Variants in KCNMA1 observed in about 807,000 individuals in gnomAD.
KCNMA1 encodes the protein potassium calcium-activated channel subfamily M alpha 1.
In KCNMA1, 29 loss-of-function variants were observed where a neutral mutation model predicts 140.0. The observed-to-expected ratio is 0.21, with a 90% confidence interval of 0.15 to 0.28. The LOEUF (loss-of-function observed/expected upper bound fraction) is 0.28. Among genes scored for constraint, KCNMA1 ranks in the 10% least tolerant of loss-of-function variants. The probability of loss-of-function intolerance (pLI) is 1.00; values close to 1 mark genes in which losing one functional copy is unlikely to be tolerated. For synonymous variants in KCNMA1, 612 were observed against 611.9 expected (o/e 1.00, Z 0.00); for missense variants, 880 against 1,602.2 (o/e 0.55, Z 7.70).
At chr10:77,532,385 C>A (rs1201397907) in intron 1 of KCNMA1, among the ~76,000 whole-genome samples, 2 of 152,178 alleles carry the variant, frequency 1.3e-5, no homozygotes, top group Non-Finnish European at 2.9e-5. Context: ...TCTGACCAAG[C>A]CAGGAAGGGA....
chr10:77,542,051 T>C (rs954071855), intron 1 of KCNMA1, among the ~76,000 whole-genome samples: 1 of 152,170 alleles, frequency 6.6e-6, no homozygotes, highest in African/African-American at 2.4e-5. Context: ...TTTTAACCCT[T>C]ATAAGTGGGA....
intron 1 of KCNMA1, chr10:77,587,866 G>C: frequency 1.0e-6 from 1 of 985,274 alleles, no homozygotes; most frequent in Non-Finnish European, 1.2e-6. Context: ...AGATATATGT[G>C]CCACTCTGAA....
At chr10:77,356,398 GA>G (rs1317266338) in intron 2 of KCNMA1, among the ~76,000 whole-genome samples, 1 of 152,146 alleles carries the variant, frequency 6.6e-6, no homozygotes, top group African/African-American at 2.4e-5. Context: ...GCTCAATATT[GA>G]TAGCCAAAAA....
At chr10:77,506,536 T>G (rs1005690291) in intron 1 of KCNMA1, among the ~76,000 whole-genome samples, 5 of 143,878 alleles carry the variant, frequency 3.5e-5, no homozygotes, top group Non-Finnish European at 4.5e-5. Context: ...GAGACAGAGT[T>G]TTGAAACATG....
At chr10:77,368,243 T>C (rs532091020) in intron 2 of KCNMA1, among the ~76,000 whole-genome samples, 55 of 152,356 alleles carry the variant, frequency 3.6e-4, no homozygotes, top group Admixed American at 1.3e-3. Context: ...TTATAATAGG[T>C]GTGTTCACAT....
intron 24 of KCNMA1, 22 bp from the exon 25 acceptor site, chr10:76,910,118 A>T (rs1359732558): frequency 6.2e-7 from 1 of 1,613,164 alleles, no homozygotes; most frequent in Non-Finnish European, 8.5e-7. Flanking sequence ...ATAAAATAAG[A>T]ATTAGCTCTG....
chr10:77,599,258 ATT>A (rs1245306724), intron 1 of KCNMA1, among the ~76,000 whole-genome samples: 2 of 152,174 alleles, frequency 1.3e-5, no homozygotes, highest in Non-Finnish European at 2.9e-5. Flanking sequence ...TTTTCCAATT[ATT>A]TGCTGTTGGT....
At chr10:76,959,110 A>C (rs1233157530) in intron 20 of KCNMA1, among the ~76,000 whole-genome samples, 2 of 152,078 alleles carry the variant, frequency 1.3e-5, no homozygotes, top group Non-Finnish European at 2.9e-5. Flanking sequence ...CTACCCCACC[A>C]CCAACATACA....
chr10:77,576,345 A>G (rs1171118475), intron 1 of KCNMA1, among the ~76,000 whole-genome samples: 2 of 152,192 alleles, frequency 1.3e-5, no homozygotes, highest in Non-Finnish European at 2.9e-5. Flanking sequence ...CTCTCCCAGA[A>G]AGGCACCCAG....
chr10:77,628,477 G>A (rs2092809322), intron 1 of KCNMA1, among the ~76,000 whole-genome samples: 1 of 151,968 alleles, frequency 6.6e-6, no homozygotes, highest in Non-Finnish European at 1.5e-5. Context: ...CTGACATGGT[G>A]AAATCCCGTC....
At chr10:77,269,877 C>T (rs1465055374) in intron 2 of KCNMA1, among the ~76,000 whole-genome samples, 1 of 152,136 alleles carries the variant, frequency 6.6e-6, no homozygotes, top group African/African-American at 2.4e-5. Context: ...CTTGAAACCA[C>T]GGTGATAGGG....
intron 20 of KCNMA1, among the ~76,000 whole-genome samples, chr10:76,967,497 C>T (rs1210546085): frequency 6.6e-6 from 1 of 152,146 alleles, no homozygotes; most frequent in Non-Finnish European, 1.5e-5. Flanking sequence ...AAATGTAAAA[C>T]AAAGGGCCCT....
chr10:77,617,075 G>A (rs995427923), intron 1 of KCNMA1, among the ~76,000 whole-genome samples: 1 of 152,202 alleles, frequency 6.6e-6, no homozygotes, highest in African/African-American at 2.4e-5. Flanking sequence ...ATTTTAGAAA[G>A]GCAACCGTAT....
intron 9 of KCNMA1, among the ~76,000 whole-genome samples, chr10:77,100,262 A>T (rs748966102): frequency 2.6e-5 from 4 of 152,174 alleles, no homozygotes; most frequent in Non-Finnish European, 5.9e-5. Context: ...TGTTCTATAC[A>T]CTAGCTGACA....
intron 3 of KCNMA1, 66 bp downstream of exon 3, chr10:77,251,129 T>C: frequency 1.6e-6 from 2 of 1,270,336 alleles, no homozygotes; most frequent in Non-Finnish European, 2.3e-6. Flanking sequence ...GGTAAATAAA[T>C]GGATCAATGT....
At chr10:77,287,868 G>C (rs1427593567) in intron 2 of KCNMA1, among the ~76,000 whole-genome samples, 2 of 152,180 alleles carry the variant, frequency 1.3e-5, no homozygotes, top group Non-Finnish European at 2.9e-5. Flanking sequence ...CTTATCTTGA[G>C]CTCCACTATT....
chr10:76,904,461 G>A (rs1590084178), intron 25 of KCNMA1: 1 of 152,294 alleles, frequency 6.6e-6, no homozygotes, highest in East Asian at 1.9e-4. Context: ...TCGTACACTA[G>A]CAAAAGGGGC....
intron 1 of KCNMA1, among the ~76,000 whole-genome samples, chr10:77,439,433 G>A (rs942032676): frequency 2.0e-5 from 3 of 152,122 alleles, no homozygotes; most frequent in Non-Finnish European, 4.4e-5. Context: ...TTTGTGGCTG[G>A]GGAGTATGGG....
rs370771543 is a variant in KCNMA1 at position 77,025,998 on chromosome 10, A to AAAT, written c.1928+1824_1928+1825insATT. Among the ~76,000 whole-genome samples, 1,282 of 139,886 alleles carry AAAT rather than the reference A, an allele frequency of 9.2e-3. 10 individuals are homozygous for AAAT. Among genetic ancestry groups the AAAT allele is most frequent in the African/African-American group, 0.017 (672 of 38,602 alleles). The allele number at this position is 139,886 out of a possible 152,430, so 91.8% of individuals were successfully genotyped here. On this transcript the variant is annotated intron_variant, in intron 16 of 27. Coordinates refer to ENST00000286628, the MANE Select transcript of KCNMA1 (RefSeq NM_001161352.2). Reference sequence around the variant, plus strand: ...TTTGCCCTTTTCTGAAGAAAAAAAAAATATATATATATATATATATACTAA... The same window carrying AAAT: ...TTTGCCCTTTTCTGAAGAAAAAAAAAAATATATATATATATATATATATACTAA...
Sources: allele counts gnomAD v4.1 joint callset (sites outside exome capture counted in the v4.1 genomes callset), GRCh38; gene constraint gnomAD v4.1.1; transcripts MANE v1.5; gene names NCBI Gene and HGNC (gene_info 2026-07-23, HGNC 2026-07-21).